Variants in MICU3 observed in about 807,000 individuals in gnomAD.
MICU3 encodes the protein calcium uptake protein 3, mitochondrial.
MICU3 carries 62 observed loss-of-function variants against 66.5 expected under a neutral mutation model. That is an observed-to-expected ratio of 0.93 (90% CI 0.76 to 1.15). The LOEUF (loss-of-function observed/expected upper bound fraction) is 1.15. Ranked by LOEUF, MICU3 falls within the 50% of genes most tolerant of loss-of-function variation. MICU3 has a pLI of 0.00. For synonymous variants in MICU3, 308 were observed against 240.7 expected, an observed-to-expected ratio of 1.28 and a Z score of -2.59; for missense variants, 779 against 664.4, an observed-to-expected ratio of 1.17 and a Z score of -1.90.
intron 1 of MICU3, among the ~76,000 whole-genome samples, chr8:17,035,998 C>T (rs1812910447): frequency 6.6e-6 from 1 of 152,148 alleles, no homozygotes; most frequent in Non-Finnish European, 1.5e-5. Context: ...ACCTTTGTGT[C>T]CGGAATTGAT....
rs985742069 is a variant in MICU3 at position 17,027,596 on chromosome 8, A to C, written c.317A>C (p.Glu106Ala). ...CGACCCTCAAAGAGCGCGGCCACGG[A>C]GCCCGAGGACCCGCCCCGCGGCCGG... ...TGRPSKSAAT[E>A]PEDPPRGRGM... The change falls in exon 1 of 15, where the codon GAG becomes GCG. Residue 106 changes from glutamate to alanine, a missense_variant. Glu to Ala is a moderately radical substitution (Grantham distance 107). Transcript: ENST00000318063. 7.5e-5 allele frequency: 97 copies of C among 1,300,568 alleles called. No individual in the cohort carries two copies. Among genetic ancestry groups the C allele is most frequent in the Non-Finnish European group, 9.0e-5 (93 of 1,028,404 alleles). 80.6% of individuals were successfully genotyped at this position (1,300,568 alleles called of 1,614,324 possible). A position where few individuals can be genotyped will look rare whatever the true frequency, so the allele number is the denominator to read the frequency against.
intron 8 of MICU3, among the ~76,000 whole-genome samples, chr8:17,091,951 C>T (rs1800108422): frequency 1.3e-5 from 2 of 152,006 alleles, no homozygotes; most frequent in South Asian, 4.1e-4. Context: ...GATCTCAGCT[C>T]ACTGCAACCT....
chr8:17,081,277 C>T (rs1036503814), intron 4 of MICU3, among the ~76,000 whole-genome samples: 10 of 152,076 alleles, frequency 6.6e-5, no homozygotes, highest in Non-Finnish European at 1.2e-4. Context: ...CCAAGTGTTA[C>T]TAAAAAGTAA....
chr8:17,135,795 T>G, the MICU3 span, among the ~76,000 whole-genome samples: 3 of 152,114 alleles, frequency 2.0e-5, no homozygotes, highest in Non-Finnish European at 4.4e-5. Flanking sequence ...GAAAAAGGAT[T>G]GAGTGTTGAA....
Position 17,089,101 on chromosome 8 carries a change from A to G in MICU3, c.850-1445A>G, listed in dbSNP as rs550082067. Among the ~76,000 whole-genome samples the G allele has an allele frequency of 2.6e-5, 4 of 152,086 alleles. No individual in the cohort carries two copies. The East Asian group carries it at 7.8e-4, about 29-fold the overall frequency. On this transcript the variant is annotated intron_variant, in intron 7 of 14. Transcript: ENST00000318063. ...TATATAATTTGTTTATTTATAAACG[A>G]ATGCTTACTAAAGTCTTTGATATCC...
At position 17,027,656 on chromosome 8, in the gene MICU3, A is replaced by C; in HGVS notation, c.377A>C (p.Glu126Ala). The C allele has an allele frequency of 2.3e-6, 3 of 1,298,974 alleles. No individual in the cohort carries two copies. The South Asian group carries it at 7.1e-5, about 31-fold the overall frequency. 80.5% of individuals were successfully genotyped at this position (1,298,974 alleles called of 1,614,324 possible). A position where few individuals can be genotyped will look rare whatever the true frequency, so the allele number is the denominator to read the frequency against. The change falls in exon 1 of 15, where the codon GAG (glutamate) becomes GCG (alanine). Residue 126 changes from glutamate to alanine, a missense_variant. Coordinates refer to ENST00000318063, the MANE Select transcript of MICU3 (RefSeq NM_181723.3). ...MLPIPVAAAK[E>A]TVAIGRTDIE... ...CCCATCCCAGTGGCGGCTGCCAAGG[A>C]GACGGTGAGTGCGCGAGCGCGCGTC...
chr8:17,083,471 C>T (rs1462037919), intron 5 of MICU3, among the ~76,000 whole-genome samples: 1 of 152,050 alleles, frequency 6.6e-6, no homozygotes, highest in Non-Finnish European at 1.5e-5. Flanking sequence ...CGCTTATCAT[C>T]TTTCTTTTAA....
At chr8:17,102,466 T>C (rs2150805793) in intron 9 of MICU3, 1 of 151,826 alleles carries the variant, frequency 6.6e-6, no homozygotes, top group East Asian at 1.9e-4. Flanking sequence ...CTCAAAATTG[T>C]TGTTATGGTT....
intron 1 of MICU3, among the ~76,000 whole-genome samples, chr8:17,051,154 C>A (rs1267857493): frequency 6.6e-6 from 1 of 152,100 alleles, no homozygotes; most frequent in African/African-American, 2.4e-5. Context: ...ATGGCCCTCC[C>A]CACCTTATAT....
At chr8:17,073,585 G>A (rs957346028) in intron 3 of MICU3, among the ~76,000 whole-genome samples, 2 of 152,108 alleles carry the variant, frequency 1.3e-5, no homozygotes, top group African/African-American at 4.8e-5. Flanking sequence ...CACAATAAAT[G>A]TAATGCACTT....
chr8:17,051,605 G>A (rs914305738), intron 1 of MICU3, among the ~76,000 whole-genome samples: 1 of 152,184 alleles, frequency 6.6e-6, no homozygotes, highest in Non-Finnish European at 1.5e-5. Flanking sequence ...AGGAGGAAAA[G>A]CAAGACAGTG....
chr8:17,091,851 T>C (rs1209772703), intron 8 of MICU3, among the ~76,000 whole-genome samples: 5 of 152,032 alleles, frequency 3.3e-5, no homozygotes, highest in Non-Finnish European at 5.9e-5. Context: ...TGCCATATAC[T>C]ACTTAGGACT....
Position 17,045,613 on chromosome 8 carries a change from C to T in MICU3, c.381+17953C>T, listed in dbSNP as rs1379725449. On this transcript the variant is annotated intron_variant, in intron 1 of 14. Transcript: ENST00000318063. ...TGAGGTTCCTGGAGGGTGGCATACC[C>T]GGGCTGGCAGGGAAGCTGCATGCCC... is the stretch of plus-strand genomic sequence containing the variant. 2.6e-5 allele frequency among the ~76,000 whole-genome samples: 4 copies of T among 152,166 alleles called. No homozygotes were observed. The East Asian group carries it at 5.8e-4, about 22-fold the overall frequency.
chr8:17,061,929 C>A (rs1817889239), intron 1 of MICU3, among the ~76,000 whole-genome samples: 1 of 152,146 alleles, frequency 6.6e-6, no homozygotes, highest in African/African-American at 2.4e-5. Flanking sequence ...CCTGTGGACA[C>A]CTGAGCAACT....
intron 1 of MICU3, among the ~76,000 whole-genome samples, chr8:17,046,369 G>C (rs1400996657): frequency 1.3e-5 from 2 of 152,146 alleles, no homozygotes. Flanking sequence ...AGTCTTCTGT[G>C]ATGATTGTTG....
chr8:17,084,108 C>T (rs1344186625), intron 5 of MICU3, among the ~76,000 whole-genome samples: 1 of 152,020 alleles, frequency 6.6e-6, no homozygotes, highest in African/African-American at 2.4e-5. Flanking sequence ...ACTAAGAAAA[C>T]TGTGAAAAGA....
chr8:17,115,676 A>G (rs1431861861), intron 12 of MICU3, among the ~76,000 whole-genome samples: 1 of 152,208 alleles, frequency 6.6e-6, no homozygotes, highest in African/African-American at 2.4e-5. Flanking sequence ...CACACCTGAC[A>G]GAATAATCTT....
At chr8:17,069,862 T>A in intron 3 of MICU3, 143 bp downstream of exon 3, 1 of 251,182 alleles carries the variant, frequency 4.0e-6, no homozygotes, top group East Asian at 9.3e-5. Context: ...ACATCAGAGT[T>A]CCTTTTTTTA....
At chr8:17,030,188 C>A (rs541755919) in intron 1 of MICU3, among the ~76,000 whole-genome samples, 152 of 152,216 alleles carry the variant, frequency 1.0e-3, no homozygotes, top group African/African-American at 3.6e-3. Flanking sequence ...TAAATTATAA[C>A]TTTGGCCTTC....
Sources: allele counts gnomAD v4.1 joint callset (sites outside exome capture counted in the v4.1 genomes callset), GRCh38; gene constraint gnomAD v4.1.1; transcripts MANE v1.5; gene names NCBI Gene and HGNC (gene_info 2026-07-23, HGNC 2026-07-21).